STYX: variants seen among roughly 807,000 people sequenced by gnomAD.
The protein encoded by STYX is serine/threonine/tyrosine interacting protein, also known as serine/threonine/tyrosine-interacting protein.
A neutral mutation model predicts 42.7 loss-of-function variants in STYX; 20 were observed. The ratio of observed to expected loss-of-function variants is 0.47; its 90% CI spans 0.33 to 0.68. The LOEUF is 0.68. Ranked by LOEUF, STYX falls within the 30% of genes least tolerant of loss-of-function variation. The pLI, the probability that STYX is intolerant of heterozygous loss-of-function variation, is 0.02. For synonymous variants in STYX, 78 were observed against 81.9 expected, an observed-to-expected ratio of 0.95 and a Z score of 0.26; for missense variants, 226 against 268.5, an observed-to-expected ratio of 0.84 and a Z score of 1.11.
chr14:52,759,532 C>A, intron 8 of STYX, 150 bp from the exon 9 acceptor site: 2 of 635,382 alleles, frequency 3.1e-6, no homozygotes, highest in South Asian at 1.8e-5. Flanking sequence ...CTGCCGTAAG[C>A]ATATAGCTGG....
Position 52,771,381 on chromosome 14 carries a change from T to G in STYX, c.*275T>G. On this transcript the variant is annotated 3_prime_UTR_variant, in exon 11 of 11. Transcript: ENST00000354586. Reference sequence around the variant, plus strand: ...TATTATAAACCAAGAATTTTGGACTTGCAAAGAGGTATTATTGCAATAATG... The same window carrying G: ...TATTATAAACCAAGAATTTTGGACTGGCAAAGAGGTATTATTGCAATAATG... 1 of 285,414 alleles carries G rather than the reference T, an allele frequency of 3.5e-6. No individual in the cohort carries two copies. Among genetic ancestry groups the G allele is most frequent in the Non-Finnish European group, 6.5e-6 (1 of 154,380 alleles). 17.7% of individuals were successfully genotyped at this position (285,414 alleles called of 1,614,324 possible).
chr14:52,741,332 A>G (rs981444754), intron 1 of STYX, among the ~76,000 whole-genome samples: 2 of 151,834 alleles, frequency 1.3e-5, no homozygotes, highest in African/African-American at 4.8e-5. Context: ...AATGTGTGAG[A>G]GTCCCAGTTG....
intron 1 of STYX, among the ~76,000 whole-genome samples, chr14:52,735,460 CA>C (rs1439065980): frequency 6.6e-6 from 1 of 152,122 alleles, no homozygotes; most frequent in Non-Finnish European, 1.5e-5. Flanking sequence ...GCCCTCCCAC[CA>C]AAACCATAGG....
intron 4 of STYX, among the ~76,000 whole-genome samples, chr14:52,752,261 T>C (rs1282057854): frequency 6.6e-6 from 1 of 151,322 alleles, no homozygotes; most frequent in African/African-American, 2.4e-5. Context: ...GAGGTCGAGA[T>C]TGAGACTGTC....
At position 52,732,095 on chromosome 14, in the gene STYX, T is replaced by TTTTG. The variant is rs1251819163; in HGVS notation, c.57+1567_57+1568insGTTT. On this transcript the variant is annotated intron_variant, in intron 1 of 10. Transcript: ENST00000354586. ...TGGCCCAAGAATATACTCATGGTTT[T>TTTTG]TTTTTTTTTTTTTTTTTTGACACAG... Among the ~76,000 whole-genome samples the TTTTG allele has an allele frequency of 3.2e-3, 304 of 94,448 alleles. 3 individuals carry two copies. Among genetic ancestry groups the TTTTG allele is most frequent in the African/African-American group, 0.012 (269 of 23,088 alleles). The allele number at this position is 94,448 out of a possible 152,430, so 62.0% of individuals were successfully genotyped here.
intron 1 of STYX, among the ~76,000 whole-genome samples, chr14:52,735,676 C>T (rs1880919405): frequency 6.6e-6 from 1 of 152,128 alleles, no homozygotes; most frequent in Admixed American, 6.5e-5. Flanking sequence ...GTTTCTTTGA[C>T]ACAGGGAGCA....
chr14:52,755,690 T>G (rs114504517), intron 4 of STYX, among the ~76,000 whole-genome samples: 1,647 of 150,882 alleles, frequency 0.011, 27 homozygotes, highest in African/African-American at 0.038. Context: ...CTAGTTTTTT[T>G]TTTTTTTTTT....
At chr14:52,765,596 A>G (rs115953881) in intron 9 of STYX, among the ~76,000 whole-genome samples, 1,804 of 152,308 alleles carry the variant, frequency 0.012, 33 homozygotes, top group African/African-American at 0.041. Context: ...TATCAGGAGA[A>G]GGTTGTCTAG....
chr14:52,758,847 T>TA (rs1881977667), intron 8 of STYX, among the ~76,000 whole-genome samples: 1 of 152,178 alleles, frequency 6.6e-6, no homozygotes, highest in Non-Finnish European at 1.5e-5. Flanking sequence ...GTGCTGGTAT[T>TA]ACAGGGGTGA....
At chr14:52,750,837 G>A (rs1881583542) in intron 4 of STYX, 57 bp downstream of exon 4, 1 of 1,199,730 alleles carries the variant, frequency 8.3e-7, no homozygotes, top group African/African-American at 1.5e-5. Context: ...TTCAGGTTTT[G>A]TACCATCAGT....
At chr14:52,738,061 C>G (rs1881028687) in intron 1 of STYX, among the ~76,000 whole-genome samples, 1 of 152,178 alleles carries the variant, frequency 6.6e-6, no homozygotes. Flanking sequence ...CAGGCGTGAG[C>G]CACTGTGCCC....
intron 1 of STYX, among the ~76,000 whole-genome samples, chr14:52,739,815 T>A (rs1047518202): frequency 1.3e-5 from 2 of 151,804 alleles, no homozygotes; most frequent in Non-Finnish European, 2.9e-5. Context: ...TGGCTAATTT[T>A]TTAATTTTTG....
At chr14:52,767,253 C>T (rs767387300) in intron 9 of STYX, among the ~76,000 whole-genome samples, 6 of 152,184 alleles carry the variant, frequency 3.9e-5, no homozygotes, top group South Asian at 2.1e-4. Flanking sequence ...CTCATTTCAT[C>T]ATAGGGCCAG....
intron 9 of STYX, among the ~76,000 whole-genome samples, chr14:52,760,047 TA>T (rs947138622): frequency 3.3e-5 from 5 of 150,794 alleles, no homozygotes; most frequent in South Asian, 4.2e-4. Flanking sequence ...AATAAAAAAT[TA>T]AAAAAAAATT....
intron 1 of STYX, among the ~76,000 whole-genome samples, chr14:52,737,408 A>T (rs1880999621): frequency 6.6e-6 from 1 of 152,158 alleles, no homozygotes; most frequent in South Asian, 2.1e-4. Flanking sequence ...TGATCGAAAG[A>T]TTTTCACTTG....
At chr14:52,755,065 G>A (rs1881796030) in intron 4 of STYX, among the ~76,000 whole-genome samples, 1 of 151,260 alleles carries the variant, frequency 6.6e-6, no homozygotes, top group Non-Finnish European at 1.5e-5. Context: ...GTTAAATATT[G>A]GATTTTCCTC....
chr14:52,735,279 C>G (rs1333250659), intron 1 of STYX, among the ~76,000 whole-genome samples: 1 of 152,150 alleles, frequency 6.6e-6, no homozygotes, highest in Non-Finnish European at 1.5e-5. Context: ...AGGAATAAAA[C>G]TGAACACTTC....
rs775166008 is a variant in STYX at position 52,771,109 on chromosome 14, TGAA to T, written c.*6_*8del. 4 of 1,608,294 alleles carry T rather than the reference TGAA, an allele frequency of 2.5e-6. No homozygotes were observed. In the South Asian group the frequency reaches 3.3e-5, roughly 13 times the overall value. ...TGGCGACTGCACAGAATGGCTGACTTGAAGAGCAACATCATAGAGTGTGAATTT... is the reference window on the plus strand; with the variant it reads ...TGGCGACTGCACAGAATGGCTGACTTGAGCAACATCATAGAGTGTGAATTT... On this transcript the variant is annotated 3_prime_UTR_variant, in exon 11 of 11. Transcript: ENST00000354586.
intron 6 of STYX, 49 bp from the exon 7 acceptor site, chr14:52,757,694 T>C: frequency 2.6e-6 from 4 of 1,567,488 alleles, no homozygotes; most frequent in Non-Finnish European, 3.5e-6. Context: ...GTAGTTCAGC[T>C]ACTGACTCAG....
Sources: gnomAD v4.1 joint callset for allele counts (sites outside exome capture counted in the v4.1 genomes callset) on GRCh38, gnomAD v4.1.1 for gene constraint, MANE v1.5 for transcripts, NCBI Gene and HGNC (gene_info 2026-07-23, HGNC 2026-07-21) for gene names.